Variants in ATXN1 observed in about 807,000 individuals in gnomAD.
The protein encoded by ATXN1 is ataxin-1.
Under a neutral mutation model 56.4 loss-of-function variants are expected in ATXN1, and 8 were observed. The ratio of observed to expected loss-of-function variants is 0.14; its 90% CI spans 0.08 to 0.26. The LOEUF is 0.26. Among genes scored for constraint, ATXN1 ranks in the 10% least tolerant of loss-of-function variants. The probability of loss-of-function intolerance (pLI) is 1.00; values close to 1 mark genes in which losing one functional copy is unlikely to be tolerated. For synonymous variants in ATXN1, 514 were observed against 494.6 expected (o/e 1.04, Z -0.52); for missense variants, 987 against 1,106.5 (o/e 0.89, Z 1.53).
intron 2 of ATXN1, among the ~76,000 whole-genome samples, chr6:16,697,112 G>A (rs920604023): frequency 6.6e-5 from 10 of 152,126 alleles, no homozygotes; most frequent in African/African-American, 2.4e-4. Flanking sequence ...AGTATTAGCG[G>A]GATGAATACA....
intron 3 of ATXN1, among the ~76,000 whole-genome samples, chr6:16,622,598 T>C (rs1417864600): frequency 3.3e-5 from 5 of 152,196 alleles, no homozygotes; most frequent in South Asian, 4.1e-4. Context: ...GAAAAGCTTC[T>C]CTCCAAAAAT....
At chr6:16,744,683 A>G (rs1035839302) in intron 2 of ATXN1, among the ~76,000 whole-genome samples, 15 of 152,298 alleles carry the variant, frequency 9.8e-5, no homozygotes, top group African/African-American at 3.6e-4. Context: ...AACAGGAAAC[A>G]GTTCCCAAGG....
intron 3 of ATXN1, among the ~76,000 whole-genome samples, chr6:16,617,414 A>C (rs542009150): frequency 6.6e-6 from 1 of 152,262 alleles, no homozygotes; most frequent in East Asian, 1.9e-4. Flanking sequence ...AAAAATAGCT[A>C]ATAAATGCTG....
At chr6:16,479,509 T>G (rs1760392817) in intron 6 of ATXN1, among the ~76,000 whole-genome samples, 1 of 152,248 alleles carries the variant, frequency 6.6e-6, no homozygotes, top group Admixed American at 6.5e-5. Flanking sequence ...ATGATTCTTT[T>G]ACAAAAGTGA....
chr6:16,540,850 C>A (rs1017819967), intron 4 of ATXN1, among the ~76,000 whole-genome samples: 2 of 152,122 alleles, frequency 1.3e-5, no homozygotes, highest in Non-Finnish European at 2.9e-5. Context: ...GTGTTCAATA[C>A]CGTGTTCATA....
In ATXN1 at chr6:16,305,069, TG is replaced by T. The variant is rs1760209246; in HGVS notation, c.*1259del. 6.5e-6 allele frequency: 1 copy of T among 152,678 alleles called. No homozygotes were observed. Among genetic ancestry groups the T allele is most frequent in the African/African-American group, 2.4e-5 (1 of 41,474 alleles). 9.5% of individuals were successfully genotyped at this position (152,678 alleles called of 1,614,324 possible). A position where few individuals can be genotyped will look rare whatever the true frequency, so the allele number is the denominator to read the frequency against. On this transcript the variant is annotated 3_prime_UTR_variant, in exon 8 of 8. Transcript: ENST00000436367. The stretch of plus-strand genomic sequence containing the variant: ...CTTCAGCAATTCTGCAGAGCTGAAA[TG>T]TAGTTACAGTGTTGAAAAAAAGAAA...
At chr6:16,392,382 A>G (rs1210036506) in intron 6 of ATXN1, among the ~76,000 whole-genome samples, 2 of 152,176 alleles carry the variant, frequency 1.3e-5, no homozygotes, top group African/African-American at 4.8e-5. Flanking sequence ...CCAGTCATAA[A>G]AGTGTTTCTA....
chr6:16,638,445 C>CAAAAAAAAAA (rs11310261), intron 3 of ATXN1, among the ~76,000 whole-genome samples: 1 of 92,582 alleles, frequency 1.1e-5, no homozygotes, highest in Non-Finnish European at 2.2e-5. Flanking sequence ...GACGCTGCCT[C>CAAAAAAAAAA]AAAAAAAAAA....
At chr6:16,726,787 G>A (rs562089379) in intron 2 of ATXN1, among the ~76,000 whole-genome samples, 18 of 152,258 alleles carry the variant, frequency 1.2e-4, no homozygotes, top group African/African-American at 3.6e-4. Flanking sequence ...GAAGCCGGGA[G>A]GTGGAGGTTG....
chr6:16,535,322 T>G (rs759407334), intron 4 of ATXN1, among the ~76,000 whole-genome samples: 1 of 152,156 alleles, frequency 6.6e-6, no homozygotes, highest in Non-Finnish European at 1.5e-5. Context: ...TCTAGTACTG[T>G]GACAGGGAAT....
At chr6:16,591,662 C>A (rs1042649876) in intron 3 of ATXN1, among the ~76,000 whole-genome samples, 7 of 152,130 alleles carry the variant, frequency 4.6e-5, no homozygotes, top group Non-Finnish European at 1.0e-4. Context: ...TGATCTGTCT[C>A]CCTTTCTAGA....
chr6:16,609,128 G>A (rs1485187321), intron 3 of ATXN1, among the ~76,000 whole-genome samples: 1 of 152,206 alleles, frequency 6.6e-6, no homozygotes, highest in African/African-American at 2.4e-5. Flanking sequence ...TTCTTGAAAA[G>A]GTGGCACAGC....
At chr6:16,553,120 C>A (rs758450886) in intron 4 of ATXN1, among the ~76,000 whole-genome samples, 2 of 152,206 alleles carry the variant, frequency 1.3e-5, no homozygotes, top group Non-Finnish European at 2.9e-5. Flanking sequence ...ATGGCCCTTC[C>A]AGCTGGCCAT....
At position 16,458,192 on chromosome 6, in the gene ATXN1, C is replaced by G. The variant is rs111363301; in HGVS notation, c.-161+27780G>C. Among the ~76,000 whole-genome samples the G allele has an allele frequency of 9.2e-3, 1,405 of 152,294 alleles. 17 individuals are homozygous for G. The highest frequency in any genetic ancestry group is 0.012 in the Non-Finnish European group (797 of 68,024). On this transcript the variant is annotated intron_variant, in intron 6 of 7. Transcript: ENST00000436367. ...AAGGGACAAATTCCCTAATGGGCAG[C>G]AAGCCATCCCCATTATGGATCCCCA... is the stretch of plus-strand genomic sequence containing the variant.
chr6:16,753,790 G>C lies in ATXN1; in HGVS notation c.-729-443C>G, dbSNP rs140407811. ...AACATGCAACTTGAAACACAATGATGAAAGTGCACAGCTATTAGCATACCA... is the reference window on the plus strand; with the variant it reads ...AACATGCAACTTGAAACACAATGATCAAAGTGCACAGCTATTAGCATACCA... On this transcript the variant is annotated intron_variant, in intron 1 of 7. Transcript: ENST00000436367. Among the ~76,000 whole-genome samples, 172 of 152,278 alleles carry C rather than the reference G, an allele frequency of 1.1e-3. 1 individual carries two copies. The highest frequency in any genetic ancestry group is 5.0e-3 in the Admixed American group (76 of 15,310).
chr6:16,732,308 C>T (rs866188950), intron 2 of ATXN1, among the ~76,000 whole-genome samples: 19 of 152,088 alleles, frequency 1.2e-4, no homozygotes, highest in African/African-American at 1.9e-4. Flanking sequence ...TGGTGGCTCA[C>T]GCCTGTAATC....
intron 6 of ATXN1, among the ~76,000 whole-genome samples, chr6:16,365,579 G>A (rs1265321865): frequency 6.6e-6 from 1 of 152,192 alleles, no homozygotes; most frequent in East Asian, 1.9e-4. Context: ...TTAGCCAGAT[G>A]TGTCCATGGA....
intron 6 of ATXN1, among the ~76,000 whole-genome samples, chr6:16,398,581 A>G (rs1003580851): frequency 6.6e-6 from 1 of 152,234 alleles, no homozygotes; most frequent in African/African-American, 2.4e-5. Context: ...ATACACATAC[A>G]TATGCACAAA....
intron 7 of ATXN1, among the ~76,000 whole-genome samples, chr6:16,318,275 C>CAGACATACAAAT (rs1416780561): frequency 6.6e-6 from 1 of 152,200 alleles, no homozygotes; most frequent in Non-Finnish European, 1.5e-5. Flanking sequence ...GACACTATCC[C>CAGACATACAAAT]AGACATACAA....
Sources: allele counts gnomAD v4.1 joint callset (sites outside exome capture counted in the v4.1 genomes callset), GRCh38; gene constraint gnomAD v4.1.1; transcripts MANE v1.5; gene names NCBI Gene and HGNC (gene_info 2026-07-23, HGNC 2026-07-21).